The following CAND1 variants were observed in gnomAD, a reference collection of about 807,000 sequenced individuals.
The protein encoded by CAND1 is cullin associated and neddylation dissociated 1.
CAND1 carries 7 observed loss-of-function variants against 108.5 expected under a neutral mutation model. The ratio of observed to expected loss-of-function variants is 0.06; its 90% confidence interval spans 0.04 to 0.12. The LOEUF is 0.12. Among genes scored for constraint, CAND1 ranks in the 10% least tolerant of loss-of-function variants. The pLI is 1.00. For missense variants in CAND1, 941 were observed against 1,448.7 expected (o/e 0.65, Z 5.69); for synonymous variants, 534 against 512.0 (o/e 1.04, Z -0.58).
At chr12:67,296,125 A>G (rs905418486) in intron 4 of CAND1, among the ~76,000 whole-genome samples, 2 of 144,158 alleles carry the variant, frequency 1.4e-5, no homozygotes, top group African/African-American at 4.9e-5. Context: ...GATTGGGGTC[A>G]TGTTGAGGTG....
chr12:67,273,485 T>C (rs1413419381), intron 1 of CAND1, among the ~76,000 whole-genome samples: 2 of 150,190 alleles, frequency 1.3e-5, no homozygotes, highest in Non-Finnish European at 3.0e-5. Context: ...TTTTCTTTTT[T>C]TTTTTTTTTT....
intron 2 of CAND1, among the ~76,000 whole-genome samples, chr12:67,288,801 A>G (rs2044696521): frequency 6.6e-6 from 1 of 152,204 alleles, no homozygotes; most frequent in Non-Finnish European, 1.5e-5. Context: ...CCTGGCAAGG[A>G]CAGGGGCCCA....
intron 7 of CAND1, among the ~76,000 whole-genome samples, chr12:67,299,497 G>A (rs1465128144): frequency 6.6e-6 from 1 of 152,016 alleles, no homozygotes; most frequent in Non-Finnish European, 1.5e-5. Flanking sequence ...TTTCTACAAA[G>A]CATTTTTGTA....
rs2044799462 is a variant in CAND1 at position 67,299,196 on chromosome 12, A to C, written c.1000+101A>C. ...TGTACTGTTTGTTTTATTTAGTTAT[A>C]ATAGTGAAAAGGGAAATGATCTCAA... On this transcript the variant is annotated intron_variant, in intron 7 of 14. Transcript: ENST00000545606. The C allele has an allele frequency of 3.5e-6, 4 of 1,146,360 alleles. No homozygotes were observed. In the South Asian group the frequency reaches 6.7e-5, roughly 19 times the overall value. 71.0% of individuals were successfully genotyped at this position (1,146,360 alleles called of 1,614,324 possible).
In CAND1 at chr12:67,292,059, G is replaced by T. The variant is rs988009104; in HGVS notation, c.213-563G>T. ...TTTTTGTATTTTTAGTAGGCACGGGGTTTCACCATGTTGGCCAGGCTGGTC... is the reference window on the plus strand; with the variant it reads ...TTTTTGTATTTTTAGTAGGCACGGGTTTTCACCATGTTGGCCAGGCTGGTC... On this transcript the variant is annotated intron_variant, in intron 2 of 14. Transcript: ENST00000545606. Among the ~76,000 whole-genome samples, 10 of 152,208 alleles carry T rather than the reference G, an allele frequency of 6.6e-5. No homozygotes were observed. In the East Asian group the frequency reaches 1.9e-3, roughly 29 times the overall value.
intron 3 of CAND1, 176 bp downstream of exon 3, chr12:67,292,952 A>G: frequency 3.6e-6 from 2 of 561,420 alleles, no homozygotes; most frequent in South Asian, 4.4e-5. Context: ...CCTTAGAAAT[A>G]AATGTTAAAT....
At chr12:67,290,509 C>CAA (rs879630463) in intron 2 of CAND1, among the ~76,000 whole-genome samples, 1 of 142,002 alleles carries the variant, frequency 7.0e-6, no homozygotes. Flanking sequence ...GACAGTGTCT[C>CAA]AAAAAAAAAA....
chr12:67,292,836 C>CT, intron 3 of CAND1, 60 bp downstream of exon 3: 2 of 1,534,722 alleles, frequency 1.3e-6, no homozygotes, highest in Admixed American at 1.8e-5. Context: ...TCTCCCCACC[C>CT]TTTTTTCCCC....
intron 1 of CAND1, among the ~76,000 whole-genome samples, chr12:67,277,930 T>C (rs1450259654): frequency 2.6e-5 from 4 of 152,180 alleles, no homozygotes; most frequent in Non-Finnish European, 2.9e-5. Context: ...CTCTCCAAAG[T>C]ATGGTCCACA....
Position 67,317,614 on chromosome 12 carries a change from C to G in CAND1, c.*4784C>G, listed in dbSNP as rs145557373. The G allele has an allele frequency of 0.05, 7,603 of 151,892 alleles. 241 individuals are homozygous for G. The highest frequency in any genetic ancestry group is 0.057 in the Non-Finnish European group (3,914 of 68,098). 9.4% of individuals were successfully genotyped at this position (151,892 alleles called of 1,614,324 possible). ...TCTCCTGCCTCAGCCTCCCAAGTAG[C>G]TGTGATTACAGGCGTGTGCCACCAT... On this transcript the variant is annotated 3_prime_UTR_variant, in exon 15 of 15. Transcript: ENST00000545606.
Position 67,310,088 on chromosome 12 carries a change from G to C in CAND1, c.3195+18G>C. On this transcript the variant is annotated intron_variant, in intron 12 of 14. Coordinates refer to ENST00000545606, the MANE Select transcript of CAND1 (RefSeq NM_018448.5). ...TAAGAGAGGTAAGTTAGATCACACT[G>C]TTTATTTGAGCTTGTCTTTGACTTA... is the stretch of plus-strand genomic sequence containing the variant. 6.2e-7 allele frequency: 1 copy of C among 1,609,564 alleles called. No homozygotes were observed. The highest frequency in any genetic ancestry group is 1.1e-5 in the South Asian group (1 of 90,602).
rs187484462 is a variant in CAND1, at chr12:67,315,861, A to G, written c.*3031A>G. 1 of 152,312 alleles carries G rather than the reference A, an allele frequency of 6.6e-6. No homozygotes were observed. The highest frequency in any genetic ancestry group is 1.5e-5 in the Non-Finnish European group (1 of 68,018). 9.4% of individuals were successfully genotyped at this position (152,312 alleles called of 1,614,324 possible). ...TGAAGTTCAAAATGAGGAAGTATAC[A>G]AAATCCTCAGCCACTGAAAAATTCA... On this transcript the variant is annotated 3_prime_UTR_variant, in exon 15 of 15. Transcript: ENST00000545606.
intron 1 of CAND1, among the ~76,000 whole-genome samples, chr12:67,272,399 T>C (rs947848615): frequency 1.1e-4 from 17 of 152,212 alleles, no homozygotes; most frequent in Non-Finnish European, 2.2e-4. Context: ...AAGGTTGTTA[T>C]AGGCATAAAA....
At chr12:67,292,849 C>G in intron 3 of CAND1, 73 bp downstream of exon 3, 2 of 1,476,372 alleles carry the variant, frequency 1.4e-6, no homozygotes, top group Non-Finnish European at 1.9e-6. Flanking sequence ...TTTTCCCCTT[C>G]TGGCCAAGGA....
intron 1 of CAND1, among the ~76,000 whole-genome samples, chr12:67,271,626 T>C (rs2044521649): frequency 6.6e-6 from 1 of 152,306 alleles, no homozygotes; most frequent in South Asian, 2.1e-4. Flanking sequence ...ATGAAAGAAA[T>C]AGTGCTCTGA....
At chr12:67,275,230 G>T (rs1358987919) in intron 1 of CAND1, among the ~76,000 whole-genome samples, 1 of 152,044 alleles carries the variant, frequency 6.6e-6, no homozygotes, top group East Asian at 1.9e-4. Context: ...ACAATATTAA[G>T]ACTATTCCAA....
intron 7 of CAND1, 60 bp from the exon 8 acceptor site, chr12:67,302,263 T>C: frequency 6.9e-7 from 1 of 1,444,030 alleles, no homozygotes; most frequent in Non-Finnish European, 9.4e-7. Flanking sequence ...TGATTTTCTG[T>C]TTTAAATGAT....
chr12:67,302,439 A>C lies in CAND1; in HGVS notation c.1117A>C (p.Lys373Gln), dbSNP rs759236818. 2 of 1,614,002 alleles carry C rather than the reference A, an allele frequency of 1.2e-6. No individual in the cohort carries two copies. Among genetic ancestry groups the C allele is most frequent in the Non-Finnish European group, 1.7e-6 (2 of 1,179,988 alleles). ...TRHEMLPEFY[K>Q]TVSPALISRF... ...GCATGAAATGCTTCCAGAATTCTACAAGACCGTCTCTCCTGCACTAATATC... is the reference window on the plus strand; with the variant it reads ...GCATGAAATGCTTCCAGAATTCTACCAGACCGTCTCTCCTGCACTAATATC... The change falls in exon 8 of 15, where the codon AAG becomes CAG. Residue 373 changes from lysine (K) to glutamine (Q), a missense_variant. Lys to Gln is a moderately conservative substitution (Grantham distance 53). Coordinates refer to ENST00000545606, the MANE Select transcript of CAND1 (RefSeq NM_018448.5).
intron 6 of CAND1, 72 bp downstream of exon 6, chr12:67,297,925 G>C (rs2044786036): frequency 1.3e-6 from 1 of 776,522 alleles, no homozygotes; most frequent in African/African-American, 1.7e-5. Flanking sequence ...TCTACATTAG[G>C]TGTGTGAGGA....
Sources: allele counts gnomAD v4.1 joint callset (sites outside exome capture counted in the v4.1 genomes callset), GRCh38; gene constraint gnomAD v4.1.1; transcripts MANE v1.5; gene names NCBI Gene and HGNC (gene_info 2026-07-23, HGNC 2026-07-21).